Variants in SCG5 observed in about 807,000 individuals in gnomAD.
SCG5 encodes neuroendocrine protein 7B2.
Under a neutral mutation model 25.7 loss-of-function variants are expected in SCG5, and 18 were observed. The observed-to-expected ratio is 0.70, with a 90% CI of 0.48 to 1.04. The LOEUF (loss-of-function observed/expected upper bound fraction) is 1.04. SCG5 is among the 50% of genes least tolerant of loss of function. The probability of loss-of-function intolerance (pLI) is 0.00; values close to 1 mark genes in which losing one functional copy is unlikely to be tolerated. For missense variants in SCG5, 206 were observed against 259.8 expected (o/e 0.79, Z 1.42); for synonymous variants, 101 against 91.7 (o/e 1.10, Z -0.58).
intron 2 of SCG5, among the ~76,000 whole-genome samples, chr15:32,656,818 C>T (rs1460507983): frequency 6.6e-6 from 1 of 152,080 alleles, no homozygotes. Flanking sequence ...TTTAGCAGAC[C>T]ACAATTTCGC....
At chr15:32,672,913 C>CAAAAAAAAAAAA (rs55928870) in intron 2 of SCG5, 2 of 87,810 alleles carry the variant, frequency 2.3e-5, no homozygotes, top group Non-Finnish European at 5.2e-5. Context: ...CATAACATCA[C>CAAAAAAAAAAAA]AAAAAAAAAA....
At chr15:32,664,351 C>G (rs1456785356) in intron 2 of SCG5, among the ~76,000 whole-genome samples, 1 of 152,186 alleles carries the variant, frequency 6.6e-6, no homozygotes, top group Non-Finnish European at 1.5e-5. Flanking sequence ...TCTGAGGAAT[C>G]ATATTCAATC....
intron 2 of SCG5, among the ~76,000 whole-genome samples, chr15:32,668,650 C>T (rs1009708604): frequency 1.3e-5 from 2 of 152,212 alleles, no homozygotes; most frequent in Admixed American, 1.3e-4. Flanking sequence ...TCCACACCTC[C>T]TCAACCATAG....
At chr15:32,692,599 C>T (rs1177075552) in intron 5 of SCG5, among the ~76,000 whole-genome samples, 2 of 152,152 alleles carry the variant, frequency 1.3e-5, no homozygotes, top group Non-Finnish European at 1.5e-5. Context: ...AAAAAACAAC[C>T]CCACTGTTAC....
At chr15:32,657,815 G>A (rs2054150092) in intron 2 of SCG5, among the ~76,000 whole-genome samples, 1 of 152,128 alleles carries the variant, frequency 6.6e-6, no homozygotes, top group Admixed American at 6.5e-5. Flanking sequence ...AGGAACTGTG[G>A]CCCTGATATG....
chr15:32,686,596 GAGA>G (rs2054716664), intron 4 of SCG5, among the ~76,000 whole-genome samples: 1 of 152,152 alleles, frequency 6.6e-6, no homozygotes, highest in Non-Finnish European at 1.5e-5. Flanking sequence ...ACATAAAAAA[GAGA>G]AGAGAGAGTG....
intron 3 of SCG5, among the ~76,000 whole-genome samples, chr15:32,681,767 C>T (rs2054625412): frequency 6.6e-6 from 1 of 151,900 alleles, no homozygotes; most frequent in African/African-American, 2.4e-5. Flanking sequence ...TCTTATGATA[C>T]CCATAACTAG....
chr15:32,644,982 T>C (rs2053920098), intron 2 of SCG5, among the ~76,000 whole-genome samples: 1 of 152,246 alleles, frequency 6.6e-6, no homozygotes, highest in Non-Finnish European at 1.5e-5. Flanking sequence ...TTCGGTGAGA[T>C]TGTAGTCTGT....
rs1288752241 is a variant in SCG5, at chr15:32,655,310, CA to C, written c.226+11506del. Among the ~76,000 whole-genome samples the C allele has an allele frequency of 5.5e-3, 721 of 131,118 alleles. 4 individuals are homozygous for C. Among genetic ancestry groups the C allele is most frequent in the African/African-American group, 0.017 (587 of 33,962 alleles). 86.0% of individuals were successfully genotyped at this position (131,118 alleles called of 152,430 possible). On this transcript the variant is annotated intron_variant, in intron 2 of 5. Coordinates refer to ENST00000300175, the MANE Select transcript of SCG5 (RefSeq NM_001144757.3). ...GCAACAGAGCGAGACTCTGTCTGAA[CA>C]AAAAAAAAAAAAATTCTGGAGATCA...
At chr15:32,650,912 G>A (rs2054021934) in intron 2 of SCG5, among the ~76,000 whole-genome samples, 1 of 152,156 alleles carries the variant, frequency 6.6e-6, no homozygotes, top group Non-Finnish European at 1.5e-5. Context: ...AAATACCCAC[G>A]TTCTGCCGGG....
At chr15:32,689,073 T>G (rs1056280051) in intron 4 of SCG5, among the ~76,000 whole-genome samples, 10 of 152,194 alleles carry the variant, frequency 6.6e-5, no homozygotes, top group Non-Finnish European at 1.5e-4. Context: ...CCATTGATGA[T>G]GCTTACCAGA....
intron 2 of SCG5, among the ~76,000 whole-genome samples, chr15:32,664,675 A>G (rs573841903): frequency 6.6e-6 from 1 of 152,330 alleles, no homozygotes; most frequent in African/African-American, 2.4e-5. Context: ...ATCCACCTCC[A>G]GGAGCAGTAA....
In SCG5 at chr15:32,679,773, T is replaced by C. The variant is rs757508326; in HGVS notation, c.234T>C (p.Ala78=). 5.0e-6 allele frequency: 8 copies of C among 1,613,922 alleles called. No homozygotes were observed. The highest frequency in any genetic ancestry group is 6.8e-6 in the Non-Finnish European group (8 of 1,179,852). ...CTTCTGATTCCCTCGCAGGTGGAGC[T>C]CATGAAGGACTTCAGCATTTGGGTC... The part of the protein sequence containing the change: ...LVGPQSIEGG[A]HEGLQHLGPF... The change falls in exon 3 of 6, where the codon GCT becomes GCC. Residue 78 remains alanine, a synonymous_variant. Transcript: ENST00000300175.
At position 32,696,496 on chromosome 15, in the gene SCG5, TG is replaced by T. The variant is rs1392487888; in HGVS notation, c.544-17del. 4 of 1,554,100 alleles carry T rather than the reference TG, an allele frequency of 2.6e-6. No homozygotes were observed. The highest frequency in any genetic ancestry group is 2.3e-5 in the South Asian group (2 of 88,258). ...ATATAACACCAAACCACATGGTTTTTGTTTGTTTGTTTTTCAGAGTGTCAAT... is the reference window on the plus strand; with the variant it reads ...ATATAACACCAAACCACATGGTTTTTTTTGTTTGTTTTTCAGAGTGTCAAT... On this transcript the variant is annotated splice_polypyrimidine_tract_variant and intron_variant, in intron 5 of 5. Coordinates refer to ENST00000300175, the MANE Select transcript of SCG5 (RefSeq NM_001144757.3).
At chr15:32,653,583 A>G (rs959165823) in intron 2 of SCG5, among the ~76,000 whole-genome samples, 25 of 152,322 alleles carry the variant, frequency 1.6e-4, no homozygotes, top group African/African-American at 6.0e-4. Flanking sequence ...GCTCATATAA[A>G]CGTGGGGGCT....
intron 3 of SCG5, 147 bp downstream of exon 3, chr15:32,680,062 AT>A (rs980480319): frequency 1.4e-6 from 1 of 733,420 alleles, no homozygotes; most frequent in African/African-American, 1.8e-5. Flanking sequence ...GGAAGGGGAA[AT>A]TTATTCTAGA....
At chr15:32,673,030 G>A (rs2054464615) in intron 2 of SCG5, 1 of 152,002 alleles carries the variant, frequency 6.6e-6, no homozygotes, top group African/African-American at 2.4e-5. Context: ...CCCCAGCCAG[G>A]AGAGCCGTTG....
At chr15:32,681,953 C>T (rs1413591278) in intron 3 of SCG5, among the ~76,000 whole-genome samples, 1 of 152,210 alleles carries the variant, frequency 6.6e-6, no homozygotes. Flanking sequence ...TGTGTGGCTG[C>T]TGGGCCAGGA....
intron 2 of SCG5, among the ~76,000 whole-genome samples, chr15:32,655,419 C>G (rs931433782): frequency 6.6e-6 from 1 of 152,162 alleles, no homozygotes; most frequent in African/African-American, 2.4e-5. Flanking sequence ...CCTTTTCCTC[C>G]CCTTGTCCCC....
Sources: gnomAD v4.1 joint callset for allele counts (sites outside exome capture counted in the v4.1 genomes callset) on GRCh38, gnomAD v4.1.1 for gene constraint, MANE v1.5 for transcripts, NCBI Gene and HGNC (gene_info 2026-07-23, HGNC 2026-07-21) for gene names.